Variants in JAK2 observed in about 807,000 individuals in gnomAD.
JAK2 encodes tyrosine-protein kinase JAK2.
A neutral mutation model predicts 139.3 loss-of-function variants in JAK2; 86 were observed. That is an observed-to-expected ratio of 0.62 (90% CI 0.52 to 0.74). JAK2 has a LOEUF of 0.74. JAK2 is among the 30% of genes least tolerant of loss of function. The pLI is 0.00. For missense variants in JAK2, 1,421 were observed against 1,360.3 expected, an observed-to-expected ratio of 1.04 and a Z score of -0.70; for synonymous variants, 490 against 437.7, an observed-to-expected ratio of 1.12 and a Z score of -1.49.
At position 5,128,348 on chromosome 9, in the gene JAK2, T is replaced by C. The variant is rs1824139458; in HGVS notation, c.*1557T>C. Among the ~76,000 whole-genome samples, 1 of 151,792 alleles carries C rather than the reference T, an allele frequency of 6.6e-6. No individual in the cohort carries two copies. The highest frequency in any genetic ancestry group is 2.1e-4 in the South Asian group (1 of 4,832). ...ATGCAGAAATCATCTAAAATGACAG[T>C]GAATTAGGTTTTAAAAAGATTTTAG... On this transcript the variant is annotated 3_prime_UTR_variant, in exon 25 of 25. Transcript: ENST00000381652.
intron 5 of JAK2, among the ~76,000 whole-genome samples, chr9:5,048,670 A>T (rs1365678725): frequency 6.6e-6 from 1 of 152,216 alleles, no homozygotes; most frequent in Non-Finnish European, 1.5e-5. Flanking sequence ...GTGGTTCTTA[A>T]TAGTTTATTT....
chr9:5,106,858 T>G (rs185772559), intron 22 of JAK2, among the ~76,000 whole-genome samples: 2 of 152,034 alleles, frequency 1.3e-5, no homozygotes, highest in African/African-American at 2.4e-5. Flanking sequence ...ATGAGAACAC[T>G]TGGACACATG....
At chr9:5,017,025 A>G (rs1408710231) in intron 2 of JAK2, among the ~76,000 whole-genome samples, 1 of 152,244 alleles carries the variant, frequency 6.6e-6, no homozygotes, top group Non-Finnish European at 1.5e-5. Context: ...CTTTCCAAAA[A>G]TATTGCAGAA....
At chr9:5,021,468 G>C (rs1238733336) in intron 2 of JAK2, among the ~76,000 whole-genome samples, 1 of 152,188 alleles carries the variant, frequency 6.6e-6, no homozygotes, top group Non-Finnish European at 1.5e-5. Context: ...TTGTCCACAG[G>C]AAGTTTAAAA....
chr9:5,115,048 C>G (rs1263466808), intron 22 of JAK2, among the ~76,000 whole-genome samples: 1 of 152,144 alleles, frequency 6.6e-6, no homozygotes, highest in African/African-American at 2.4e-5. Context: ...GCAATGGCAA[C>G]AAAAGCCAAA....
intron 9 of JAK2, 58 bp from the exon 10 acceptor site, chr9:5,066,620 T>G: frequency 1.1e-6 from 1 of 929,866 alleles, no homozygotes; most frequent in Non-Finnish European, 1.8e-6. Flanking sequence ...AGATGACACT[T>G]GGTCATAATA....
At chr9:5,051,032 A>G (rs1189266087) in intron 6 of JAK2, among the ~76,000 whole-genome samples, 1 of 152,200 alleles carries the variant, frequency 6.6e-6, no homozygotes, top group African/African-American at 2.4e-5. Flanking sequence ...TTACCAGTTG[A>G]GCACCCCTAA....
chr9:5,056,746 TAATA>T (rs1817794992), intron 8 of JAK2, among the ~76,000 whole-genome samples: 1 of 152,176 alleles, frequency 6.6e-6, no homozygotes, highest in African/African-American at 2.4e-5. Flanking sequence ...TGTGGATATA[TAATA>T]AATGTTTCTG....
chr9:5,111,401 G>A (rs943663585), intron 22 of JAK2: 2 of 403,662 alleles, frequency 5.0e-6, no homozygotes, highest in East Asian at 6.3e-5. Context: ...GGCGGACAGC[G>A]GCCTGGACAC....
intron 19 of JAK2, among the ~76,000 whole-genome samples, chr9:5,084,637 T>C (rs1819943443): frequency 6.6e-6 from 1 of 152,214 alleles, no homozygotes; most frequent in African/African-American, 2.4e-5. Context: ...GAGTGTTTTT[T>C]GCTTTCTTCC....
At chr9:5,115,601 C>A (rs1823080430) in intron 22 of JAK2, among the ~76,000 whole-genome samples, 1 of 152,152 alleles carries the variant, frequency 6.6e-6, no homozygotes, top group South Asian at 2.1e-4. Flanking sequence ...ACTATAAAGA[C>A]ACATGCACAT....
rs776117388 is a variant in JAK2 at position 5,054,223 on chromosome 9, T to C, written c.615-340T>C. Among the ~76,000 whole-genome samples, 2 of 152,044 alleles carry C rather than the reference T, an allele frequency of 1.3e-5. No homozygotes were observed. Among genetic ancestry groups the C allele is most frequent in the Non-Finnish European group, 2.9e-5 (2 of 67,918 alleles). Reference sequence around the variant, plus strand: ...TTCAATATATGCCAAAATATTATCTTATAAACCATTAACTCTGGTATGTGA... The same window carrying C: ...TTCAATATATGCCAAAATATTATCTCATAAACCATTAACTCTGGTATGTGA... On this transcript the variant is annotated intron_variant, in intron 6 of 24. Coordinates refer to ENST00000381652, the MANE Select transcript of JAK2 (RefSeq NM_004972.4). This position sits in a 1 kb window ranked among gnomAD's most constrained non-coding sequence, Gnocchi z 4.9.
intron 4 of JAK2, among the ~76,000 whole-genome samples, chr9:5,040,481 G>A (rs1045414313): frequency 2.6e-5 from 4 of 152,210 alleles, no homozygotes; most frequent in African/African-American, 9.6e-5. Flanking sequence ...AAACATCTGT[G>A]TGTCAAAGCA....
At chr9:5,031,426 A>G (rs1823138975) in intron 4 of JAK2, among the ~76,000 whole-genome samples, 1 of 152,246 alleles carries the variant, frequency 6.6e-6, no homozygotes, top group Non-Finnish European at 1.5e-5. Flanking sequence ...TCATACATAT[A>G]GAAACATAAT....
chr9:5,027,553 G>A (rs1199357896), intron 3 of JAK2, among the ~76,000 whole-genome samples: 2 of 152,066 alleles, frequency 1.3e-5, no homozygotes, highest in East Asian at 3.9e-4. Context: ...AGACAATGAA[G>A]GTTGCTGCAT....
At chr9:5,101,952 G>A (rs1447217972) in intron 22 of JAK2, among the ~76,000 whole-genome samples, 1 of 152,220 alleles carries the variant, frequency 6.6e-6, no homozygotes, top group Non-Finnish European at 1.5e-5. Flanking sequence ...GGAGAAACCA[G>A]AGCAGAAAAG....
chr9:5,047,027 G>C (rs1485394426), intron 5 of JAK2, among the ~76,000 whole-genome samples: 1 of 152,032 alleles, frequency 6.6e-6, no homozygotes, highest in African/African-American at 2.4e-5. Flanking sequence ...ATCCTTCTAG[G>C]AAGGATTGTC....
At chr9:4,999,205 G>A (rs1022471808) in intron 2 of JAK2, among the ~76,000 whole-genome samples, 12 of 152,112 alleles carry the variant, frequency 7.9e-5, no homozygotes, top group African/African-American at 1.9e-4. Flanking sequence ...ATTTGACTTC[G>A]GTAGCCCTTA....
At chr9:5,031,968 A>C (rs201362719) in intron 4 of JAK2, among the ~76,000 whole-genome samples, 1 of 152,372 alleles carries the variant, frequency 6.6e-6, no homozygotes, top group East Asian at 1.9e-4. Flanking sequence ...AGGCATCGCC[A>C]CACCCGGGAA....
Sources: gnomAD v4.1 joint callset for allele counts (sites outside exome capture counted in the v4.1 genomes callset) on GRCh38, gnomAD v4.1.1 for gene constraint, Gnocchi (gnomAD v3.1) non-coding constraint, MANE v1.5 for transcripts, NCBI Gene and HGNC (gene_info 2026-07-23, HGNC 2026-07-21) for gene names.